Variants in NSD3 observed in about 807,000 individuals in gnomAD.
NSD3 encodes histone-lysine N-methyltransferase NSD3.
A neutral mutation model predicts 160.8 loss-of-function variants in NSD3; 24 were observed. That is an observed-to-expected ratio of 0.15 (90% CI 0.11 to 0.21). The LOEUF (loss-of-function observed/expected upper bound fraction) is 0.21. Ranked by LOEUF, NSD3 falls within the 10% of genes least tolerant of loss-of-function variation. The pLI is 1.00. For missense variants in NSD3, 1,157 were observed against 1,735.9 expected (o/e 0.67, Z 5.93); for synonymous variants, 520 against 600.0 (o/e 0.87, Z 1.95).
chr8:38,317,819 A>C lies in NSD3; in HGVS notation c.1855+1076T>G. 6.8e-7 allele frequency: 1 copy of C among 1,473,846 alleles called. No homozygotes were observed. 91.3% of individuals were successfully genotyped at this position (1,473,846 alleles called of 1,614,324 possible). A position where few individuals can be genotyped will look rare whatever the true frequency, so the allele number is the denominator to read the frequency against. ...TGTTCAGAGTCTTGAAGAAGAAACC[A>C]GGCAGGAAAATGCCAATAATGATGA... On this transcript the variant is annotated intron_variant, in intron 9 of 23. Transcript: ENST00000317025. The surrounding 1 kb of genome is among the most constrained non-coding windows in gnomAD (Gnocchi z 5.3).
intron 15 of NSD3, 42 bp from the exon 16 acceptor site, chr8:38,295,994 G>A: frequency 6.5e-7 from 1 of 1,537,846 alleles, no homozygotes; most frequent in Admixed American, 2.3e-5. Context: ...GAAAAGAGGA[G>A]AGAGAAAAAG....
chr8:38,287,590 T>G (rs1329810060), intron 19 of NSD3, among the ~76,000 whole-genome samples: 1 of 152,194 alleles, frequency 6.6e-6, no homozygotes, highest in Non-Finnish European at 1.5e-5. Context: ...TGTATTGTAT[T>G]GTATTGATTG....
chr8:38,355,896 A>G (rs931290885), intron 1 of NSD3, among the ~76,000 whole-genome samples: 1 of 152,246 alleles, frequency 6.6e-6, no homozygotes, highest in African/African-American at 2.4e-5. Context: ...AATCAAGGCC[A>G]GTATGATCAA....
Position 38,295,895 on chromosome 8 carries a change from C to T in NSD3, c.2816G>A (p.Ser939Asn). 6.2e-7 allele frequency: 1 copy of T among 1,613,964 alleles called. No homozygotes were observed. The highest frequency in any genetic ancestry group is 1.1e-5 in the South Asian group (1 of 91,042). Residue 939 changes from serine (S) to asparagine (N), a missense_variant, in exon 16 of 24, where the codon AGC becomes AAC. Coordinates refer to ENST00000317025, the MANE Select transcript of NSD3 (RefSeq NM_023034.2). ...CCAGCAGCCTTCTGGCATTTCTATG[C>T]TTAGGCATTCCGGGTGGAAGGAAGC... ...CPASFHPECL[S>N]IEMPEGCWNC...
At chr8:38,307,568 G>C (rs988427190) in intron 12 of NSD3, among the ~76,000 whole-genome samples, 1 of 152,110 alleles carries the variant, frequency 6.6e-6, no homozygotes, top group African/African-American at 2.4e-5. Flanking sequence ...CCTTCGATAG[G>C]GGAAGAGTTA....
chr8:38,297,325 G>T (rs1357019028), intron 15 of NSD3, among the ~76,000 whole-genome samples: 1 of 152,098 alleles, frequency 6.6e-6, no homozygotes, highest in Admixed American at 6.5e-5. Flanking sequence ...AGGAAATTAG[G>T]TATTTCTAAT....
chr8:38,288,903 AC>A lies in NSD3; in HGVS notation c.3232-148del, dbSNP rs1808930267. Reference sequence around the variant, plus strand: ...CCTGATGAATAAGCTGAGATTAATAACCATCTCTTTTGTCATTTAGTTGACA... The same window carrying A: ...CCTGATGAATAAGCTGAGATTAATAACATCTCTTTTGTCATTTAGTTGACA... On this transcript the variant is annotated intron_variant, in intron 18 of 23. Transcript: ENST00000317025. The surrounding 1 kb of genome is among the most constrained non-coding windows in gnomAD (Gnocchi z 4.5). 9.8e-7 allele frequency: 1 copy of A among 1,018,314 alleles called. No homozygotes were observed. Among genetic ancestry groups the A allele is most frequent in the African/African-American group, 1.6e-5 (1 of 61,498 alleles). 63.1% of individuals were successfully genotyped at this position (1,018,314 alleles called of 1,614,324 possible).
chr8:38,313,728 C>T lies in NSD3; in HGVS notation c.2242+919G>A, dbSNP rs577639741. Among the ~76,000 whole-genome samples the T allele has an allele frequency of 2.8e-4, 41 of 146,608 alleles. 1 individual carries two copies. In the South Asian group the frequency reaches 6.1e-3, roughly 22 times the overall value. ...GCGTGAACCTGGGAGGCGGAGCTTG[C>T]GGTGAGCCTAGATTGTGCCACTGCA... On this transcript the variant is annotated intron_variant, in intron 12 of 23. Coordinates refer to ENST00000317025, the MANE Select transcript of NSD3 (RefSeq NM_023034.2).
At position 38,288,188 on chromosome 8, in the gene NSD3, GAAAAT is replaced by G. The variant is rs1334953088; in HGVS notation, c.3501+294_3501+298del. ...CAGAATGGGGACCCTGTCTTTAAAA[GAAAAT>G]AAAAATAAAACAATAAAAAAAACAA... is the stretch of plus-strand genomic sequence containing the variant. On this transcript the variant is annotated intron_variant, in intron 19 of 23. Transcript: ENST00000317025. This position sits in a 1 kb window ranked among gnomAD's most constrained non-coding sequence, Gnocchi z 4.5. Among the ~76,000 whole-genome samples, 1 of 151,824 alleles carries G rather than the reference GAAAAT, an allele frequency of 6.6e-6. No individual in the cohort carries two copies. Among genetic ancestry groups the G allele is most frequent in the Non-Finnish European group, 1.5e-5 (1 of 67,958 alleles).
At position 38,315,975 on chromosome 8, in the gene NSD3, T is replaced by G. The variant is rs199639247; in HGVS notation, c.1923A>C (p.Glu641Asp). The change falls in exon 10 of 24, where the codon GAA becomes GAC. Residue 641 changes from glutamate to aspartate, a missense_variant. Physicochemically the swap from Glu to Asp is conservative, Grantham distance 45. Transcript: ENST00000317025. ...TGTCTCTGTATGCTGAACTAGTCATTTCTACATCAGTTGAGGCGCGACTCC... is the reference window on the plus strand; with the variant it reads ...TGTCTCTGTATGCTGAACTAGTCATGTCTACATCAGTTGAGGCGCGACTCC... ...KKRSRASTDV[E>D]MTSSAYRDTS... is the part of the protein sequence containing the mutation. 255 of 1,613,686 alleles carry G rather than the reference T, an allele frequency of 1.6e-4. 2 individuals are homozygous for G. In the African/African-American group the frequency reaches 1.9e-3, roughly 12 times the overall value.
intron 4 of NSD3, among the ~76,000 whole-genome samples, chr8:38,337,006 G>T (rs988613951): frequency 1.3e-5 from 2 of 151,898 alleles, no homozygotes; most frequent in East Asian, 3.9e-4. Flanking sequence ...ACCAGGAATT[G>T]TGGCGGGTGC....
chr8:38,360,651 C>T (rs1052703274), intron 1 of NSD3, among the ~76,000 whole-genome samples: 2 of 152,048 alleles, frequency 1.3e-5, no homozygotes, highest in Non-Finnish European at 2.9e-5. Context: ...ATTAGTAAAC[C>T]TTATCTGTAT....
At position 38,329,757 on chromosome 8, in the gene NSD3, T is replaced by G. The variant is rs912963674; in HGVS notation, c.1202A>C (p.Glu401Ala). 6.2e-7 allele frequency: 1 copy of G among 1,614,210 alleles called. No homozygotes were observed. The highest frequency in any genetic ancestry group is 1.3e-5 in the African/African-American group (1 of 75,058). The change falls in exon 6 of 24, where the codon GAG becomes GCG. Residue 401 changes from glutamate (E) to alanine (A), a missense_variant. Glu to Ala is a moderately radical substitution (Grantham distance 107, BLOSUM62 -1). This residue lies in a region of NSD3 where 168 missense variants were observed against 208.1 expected (regional missense o/e 0.81). Coordinates refer to ENST00000317025, the MANE Select transcript of NSD3 (RefSeq NM_023034.2). This position sits in a 1 kb window ranked among gnomAD's most constrained non-coding sequence, Gnocchi z 4.8. ...ACTCTTTTTTGCTTGGGATAAAGCC[T>G]CTTCAGGCTGTTTATCAATGTAAAT... The part of the protein sequence containing the change: ...TFIYIDKQPE[E>A]ALSQAKKSVA...
intron 20 of NSD3, 89 bp downstream of exon 20, chr8:38,281,378 A>C (rs572656468): frequency 1.5e-6 from 1 of 650,916 alleles, no homozygotes; most frequent in East Asian, 3.1e-5. Flanking sequence ...AAGAAAAATC[A>C]AATTAAAAGA....
intron 19 of NSD3, among the ~76,000 whole-genome samples, chr8:38,284,061 C>T (rs931580966): frequency 6.6e-6 from 1 of 152,158 alleles, no homozygotes; most frequent in African/African-American, 2.4e-5. Flanking sequence ...TGTGACTGTA[C>T]CACTGCACTC....
At chr8:38,366,516 G>A (rs989961343) in intron 1 of NSD3, among the ~76,000 whole-genome samples, 2 of 150,834 alleles carry the variant, frequency 1.3e-5, no homozygotes, top group Admixed American at 6.6e-5. Flanking sequence ...CTGGGTTCAA[G>A]CAATTCTCTG....
intron 14 of NSD3, among the ~76,000 whole-genome samples, chr8:38,302,654 C>T (rs1423031895): frequency 1.3e-5 from 2 of 152,148 alleles, no homozygotes; most frequent in African/African-American, 2.4e-5. Flanking sequence ...TTTCTATAAG[C>T]GTACAATTTT....
chr8:38,369,505 G>A (rs1811185237), intron 1 of NSD3, among the ~76,000 whole-genome samples: 1 of 152,188 alleles, frequency 6.6e-6, no homozygotes, highest in Non-Finnish European at 1.5e-5. Flanking sequence ...AGCCAATTGA[G>A]TTCAGTTCTT....
intron 2 of NSD3, among the ~76,000 whole-genome samples, chr8:38,346,035 A>C (rs953829820): frequency 2.6e-5 from 4 of 152,008 alleles, no homozygotes; most frequent in African/African-American, 9.7e-5. Flanking sequence ...TGGTTTTAGA[A>C]TCTCATTGCA....
Sources: allele counts gnomAD v4.1 joint callset (sites outside exome capture counted in the v4.1 genomes callset), GRCh38; gene constraint gnomAD v4.1.1; regional missense constraint gnomAD v4.1.1; non-coding constraint Gnocchi (gnomAD v3.1); transcripts MANE v1.5; gene names NCBI Gene and HGNC (gene_info 2026-07-23, HGNC 2026-07-21).